ADGB: variants seen among roughly 807,000 people sequenced by gnomAD.
The protein encoded by ADGB is androglobin, also known as calpain-7-like protein.
In ADGB, 172 loss-of-function variants were observed where a neutral mutation model predicts 210.5. The observed-to-expected ratio is 0.82, with a 90% CI of 0.72 to 0.93. ADGB has a LOEUF of 0.93. ADGB is among the 40% of genes least tolerant of loss of function. ADGB has a pLI of 0.00. For synonymous variants in ADGB, 658 were observed against 662.7 expected (o/e 0.99, Z 0.11); for missense variants, 2,025 against 1,964.8 (o/e 1.03, Z -0.58).
intron 13 of ADGB, among the ~76,000 whole-genome samples, chr6:146,714,734 G>C (rs1776709003): frequency 6.6e-6 from 1 of 152,138 alleles, no homozygotes; most frequent in South Asian, 2.1e-4. Flanking sequence ...CTAAGGCATG[G>C]ATAGGCTTTG....
chr6:146,613,791 T>C (rs998945452), intron 1 of ADGB, among the ~76,000 whole-genome samples: 3 of 152,136 alleles, frequency 2.0e-5, no homozygotes, highest in African/African-American at 7.2e-5. Flanking sequence ...TCAGAGTTTC[T>C]AAGAAAATCA....
chr6:146,760,424 A>G (rs967325729), intron 27 of ADGB, among the ~76,000 whole-genome samples: 23 of 147,914 alleles, frequency 1.6e-4, no homozygotes, highest in Non-Finnish European at 7.5e-5. Flanking sequence ...ATGTTATTGC[A>G]TATAACACTA....
At chr6:146,696,352 A>G (rs1776403129) in intron 12 of ADGB, among the ~76,000 whole-genome samples, 1 of 149,470 alleles carries the variant, frequency 6.7e-6, no homozygotes, top group Non-Finnish European at 1.5e-5. Context: ...CTGGGATTAC[A>G]GGTGTGAGCC....
intron 19 of ADGB, among the ~76,000 whole-genome samples, chr6:146,727,607 T>C (rs1327670): frequency 0.51 from 77,435 of 152,034 alleles, 20,927 homozygotes; most frequent in African/African-American, 0.69. Flanking sequence ...CTGGAGATAT[T>C]ACTTCCTGAT....
At chr6:146,740,693 G>A in intron 24 of ADGB, 100 bp downstream of exon 24, 1 of 1,224,686 alleles carries the variant, frequency 8.2e-7, no homozygotes, top group Non-Finnish European at 1.1e-6. Flanking sequence ...CTTCTGGGTT[G>A]CTTTCATAAG....
rs180933623 is a variant in ADGB at position 146,720,861 on chromosome 6, C to T, written c.1993-542C>T. On this transcript the variant is annotated intron_variant, in intron 16 of 35. Coordinates refer to ENST00000397944, the MANE Select transcript of ADGB (RefSeq NM_024694.4). ...ACCTCCCACCAGGCCCCTCCTTCAA[C>T]GTGTGGGGATTACAATCTGACATGA... is the stretch of plus-strand genomic sequence containing the variant. Among the ~76,000 whole-genome samples, 197 of 152,250 alleles carry T rather than the reference C, an allele frequency of 1.3e-3. 3 individuals carry two copies. The highest frequency in any genetic ancestry group is 4.6e-3 in the African/African-American group (191 of 41,538).
intron 10 of ADGB, among the ~76,000 whole-genome samples, chr6:146,690,649 T>C (rs1431611735): frequency 8.5e-5 from 13 of 152,176 alleles, no homozygotes; most frequent in Admixed American, 8.5e-4. Flanking sequence ...GAACACATTG[T>C]TAGGGGAAGA....
chr6:146,623,520 A>G (rs1032735421), intron 1 of ADGB, among the ~76,000 whole-genome samples: 3 of 151,864 alleles, frequency 2.0e-5, no homozygotes, highest in African/African-American at 7.2e-5. Context: ...CAAAAGTTCA[A>G]TTTATTTTTC....
At chr6:146,737,604 C>T (rs1364889332) in intron 23 of ADGB, among the ~76,000 whole-genome samples, 1 of 152,182 alleles carries the variant, frequency 6.6e-6, no homozygotes, top group Admixed American at 6.5e-5. Flanking sequence ...CCTAAAAGGG[C>T]TACACTTTTG....
At chr6:146,722,249 C>T (rs537563883) in intron 17 of ADGB, among the ~76,000 whole-genome samples, 2 of 152,052 alleles carry the variant, frequency 1.3e-5, no homozygotes, top group Non-Finnish European at 2.9e-5. Flanking sequence ...ATCTCAATTT[C>T]AAGCACCCCA....
At chr6:146,601,354 A>C (rs1433782851) in intron 1 of ADGB, among the ~76,000 whole-genome samples, 1 of 152,236 alleles carries the variant, frequency 6.6e-6, no homozygotes, top group Non-Finnish European at 1.5e-5. Context: ...TAAAAAGCTA[A>C]GATTTGTTAG....
intron 33 of ADGB, among the ~76,000 whole-genome samples, chr6:146,794,074 T>C (rs1777996349): frequency 6.6e-6 from 1 of 152,162 alleles, no homozygotes; most frequent in Admixed American, 6.5e-5. Flanking sequence ...GGGGTATTAG[T>C]TGTATGGCCC....
intron 33 of ADGB, among the ~76,000 whole-genome samples, chr6:146,799,982 G>A (rs1192621143): frequency 6.6e-6 from 1 of 151,980 alleles, no homozygotes; most frequent in East Asian, 1.9e-4. Context: ...GCTAATTTTT[G>A]TATTTTTTGT....
chr6:146,805,599 AC>A (rs1778199244), intron 35 of ADGB, among the ~76,000 whole-genome samples: 1 of 152,090 alleles, frequency 6.6e-6, no homozygotes, highest in African/African-American at 2.4e-5. Context: ...CTTTTTATCC[AC>A]CTTTTGCCTA....
chr6:146,730,963 A>C (rs538543034), intron 20 of ADGB, among the ~76,000 whole-genome samples: 1 of 152,134 alleles, frequency 6.6e-6, no homozygotes, highest in East Asian at 1.9e-4. Context: ...TAAGATTTAC[A>C]TACATTTCTG....
intron 26 of ADGB, 104 bp downstream of exon 26, chr6:146,746,213 A>G: frequency 1.2e-6 from 1 of 824,758 alleles, no homozygotes; most frequent in South Asian, 2.1e-5. Context: ...TTTGAATTTC[A>G]AATTCCATAT....
At chr6:146,773,522 A>C (rs1352015406) in intron 29 of ADGB, among the ~76,000 whole-genome samples, 1 of 152,176 alleles carries the variant, frequency 6.6e-6, no homozygotes, top group African/African-American at 2.4e-5. Flanking sequence ...ATTATAATTG[A>C]GTGCTATTAT....
rs554703420 is a variant in ADGB at position 146,715,439 on chromosome 6, C to T, written c.1741+24C>T. ...AGGTAAATTAATAATTTTCCTGTGACTTTTTTCAATGTACATCAAGATACA... is the reference window on the plus strand; with the variant it reads ...AGGTAAATTAATAATTTTCCTGTGATTTTTTTCAATGTACATCAAGATACA... On this transcript the variant is annotated intron_variant, in intron 14 of 35. Transcript: ENST00000397944. 59 of 1,476,916 alleles carry T rather than the reference C, an allele frequency of 4.0e-5. No individual in the cohort carries two copies. In the African/African-American group the frequency reaches 6.8e-4, roughly 17 times the overall value. The allele number at this position is 1,476,916 out of a possible 1,614,324, so 91.5% of individuals were successfully genotyped here.
chr6:146,694,780 A>C (rs1276073481), intron 12 of ADGB, among the ~76,000 whole-genome samples: 3 of 152,164 alleles, frequency 2.0e-5, no homozygotes, highest in African/African-American at 7.2e-5. Flanking sequence ...AATACTGTGT[A>C]AGTTATTTTC....
Sources: gnomAD v4.1 joint callset for allele counts (sites outside exome capture counted in the v4.1 genomes callset) on GRCh38, gnomAD v4.1.1 for gene constraint, MANE v1.5 for transcripts, NCBI Gene and HGNC (gene_info 2026-07-23, HGNC 2026-07-21) for gene names.